The following GRM4 variants were observed in gnomAD, a reference collection of about 807,000 sequenced individuals.
GRM4 encodes the protein metabotropic glutamate receptor 4.
In GRM4, 28 loss-of-function variants were observed where a neutral mutation model predicts 81.7. The ratio of observed to expected loss-of-function variants is 0.34; its 90% CI spans 0.25 to 0.47. The LOEUF is 0.47. Among genes scored for constraint, GRM4 ranks in the 20% least tolerant of loss-of-function variants. GRM4 has a pLI of 1.00. For missense variants in GRM4, 948 were observed against 1,290.0 expected, an observed-to-expected ratio of 0.73 and a Z score of 4.06; for synonymous variants, 488 against 528.8, an observed-to-expected ratio of 0.92 and a Z score of 1.06.
intron 3 of GRM4, among the ~76,000 whole-genome samples, chr6:34,075,176 C>T (rs374354661): frequency 7.9e-5 from 12 of 151,908 alleles, no homozygotes; most frequent in South Asian, 4.1e-4. Flanking sequence ...CCTCAGGCCA[C>T]GGTCAAGGCC....
intron 10 of GRM4, among the ~76,000 whole-genome samples, chr6:34,025,394 ACT>A (rs1182966194): frequency 1.3e-5 from 2 of 151,994 alleles, no homozygotes; most frequent in South Asian, 2.1e-4. Context: ...GGTGAAAAAA[ACT>A]CTCAGCAGCC....
intron 2 of GRM4, chr6:34,103,494 C>T (rs1439166544): frequency 1.4e-5 from 14 of 1,026,182 alleles, no homozygotes; most frequent in East Asian, 7.9e-5. Flanking sequence ...CAGGCGGGGG[C>T]GGCGGGCGAG....
chr6:34,116,974 A>G (rs1336692792), intron 2 of GRM4, among the ~76,000 whole-genome samples: 1 of 152,252 alleles, frequency 6.6e-6, no homozygotes, highest in Non-Finnish European at 1.5e-5. Flanking sequence ...ACCAGTCTAC[A>G]CAGTTAGAAA....
chr6:34,024,012 T>G (rs1386002059), intron 10 of GRM4, among the ~76,000 whole-genome samples: 1 of 152,182 alleles, frequency 6.6e-6, no homozygotes, highest in Non-Finnish European at 1.5e-5. Context: ...GTCTAAAAGC[T>G]GCCCTGACCC....
Position 34,080,581 on chromosome 6 carries a change from G to A in GRM4, c.736+11302C>T, listed in dbSNP as rs1260823419. Among the ~76,000 whole-genome samples, 1 of 152,084 alleles carries A rather than the reference G, an allele frequency of 6.6e-6. No individual in the cohort carries two copies. Among genetic ancestry groups the A allele is most frequent in the Non-Finnish European group, 1.5e-5 (1 of 68,020 alleles). ...GCTGGAGGGCAGAAGGAAAAAAATG[G>A]CCACGCCCCTCCTCACCAGCCATAC... On this transcript the variant is annotated intron_variant, in intron 3 of 10. Transcript: ENST00000538487. The surrounding 1 kb of genome is among the most constrained non-coding windows in gnomAD (Gnocchi z 5.4).
At position 34,097,456 on chromosome 6, in the gene GRM4, C is replaced by T. The variant is rs955661288; in HGVS notation, c.520-5357G>A. Reference sequence around the variant, plus strand: ...GTGTGTGTGTGTGTGTGTGTGCGCGCGCATGTGTGTATCCAGGCACACATG... The same window carrying T: ...GTGTGTGTGTGTGTGTGTGTGCGCGTGCATGTGTGTATCCAGGCACACATG... On this transcript the variant is annotated intron_variant, in intron 2 of 10. Transcript: ENST00000538487. 8.6e-5 allele frequency among the ~76,000 whole-genome samples: 13 copies of T among 151,962 alleles called. No individual in the cohort carries two copies. The East Asian group carries it at 9.7e-4, about 11-fold the overall frequency.
In GRM4 at chr6:34,022,710, G is replaced by A. The variant is rs559033541; in HGVS notation, c.*111C>T. ...CTATCCTCAGCACCAAGCCACGTCC[G>A]TGGGTGCCCACGGGCAGGCAAGACA... On this transcript the variant is annotated 3_prime_UTR_variant, in exon 11 of 11. Coordinates refer to ENST00000538487, the MANE Select transcript of GRM4 (RefSeq NM_000841.4). The surrounding 1 kb of genome is among the most constrained non-coding windows in gnomAD (Gnocchi z 5.6). 2.9e-4 allele frequency: 279 copies of A among 957,464 alleles called. No individual in the cohort carries two copies. Among genetic ancestry groups the A allele is most frequent in the East Asian group, 2.3e-3 (93 of 40,846 alleles). 59.3% of individuals were successfully genotyped at this position (957,464 alleles called of 1,614,324 possible). A position where few individuals can be genotyped will look rare whatever the true frequency, so the allele number is the denominator to read the frequency against.
At position 34,136,557 on chromosome 6, in the gene GRM4, CGT is replaced by C. The variant is rs1192986124; in HGVS notation, c.-363-2700_-363-2699del. ...GTCTGGGCTGAGCAGTGCATGCGCG[CGT>C]GCGGACACACACACACACACACACA... On this transcript the variant is annotated intron_variant, in intron 1 of 10. Coordinates refer to ENST00000538487, the MANE Select transcript of GRM4 (RefSeq NM_000841.4). The surrounding 1 kb of genome is among the most constrained non-coding windows in gnomAD (Gnocchi z 4.1). Among the ~76,000 whole-genome samples, 7 of 124,948 alleles carry C rather than the reference CGT, an allele frequency of 5.6e-5. 1 individual carries two copies. Among genetic ancestry groups the C allele is most frequent in the Admixed American group, 2.8e-4 (3 of 10,598 alleles). 82.0% of individuals were successfully genotyped at this position (124,948 alleles called of 152,430 possible). A position where few individuals can be genotyped will look rare whatever the true frequency, so the allele number is the denominator to read the frequency against.
At position 34,089,726 on chromosome 6, in the gene GRM4, G is replaced by A. The variant is rs1338829062; in HGVS notation, c.736+2157C>T. The stretch of plus-strand genomic sequence containing the variant: ...TGAGTAGACTTTATTTTTTCTAACC[G>A]CCCAATACTTGATTAGATGTTGATA... On this transcript the variant is annotated intron_variant, in intron 3 of 10. Coordinates refer to ENST00000538487, the MANE Select transcript of GRM4 (RefSeq NM_000841.4). This position sits in a 1 kb window ranked among gnomAD's most constrained non-coding sequence, Gnocchi z 4.3. Among the ~76,000 whole-genome samples, 4 of 151,750 alleles carry A rather than the reference G, an allele frequency of 2.6e-5. No individual in the cohort carries two copies. Among genetic ancestry groups the A allele is most frequent in the Non-Finnish European group, 4.4e-5 (3 of 67,946 alleles).
rs898219724 is a variant in GRM4 at position 34,078,300 on chromosome 6, C to T, written c.736+13583G>A. 1.3e-5 allele frequency among the ~76,000 whole-genome samples: 2 copies of T among 152,154 alleles called. No homozygotes were observed. The highest frequency in any genetic ancestry group is 6.5e-5 in the Admixed American group (1 of 15,284). Reference sequence around the variant, plus strand: ...CTCTGTCTCCCCCCAAATACACACTCTCTTCGATCATTGCACAGCCCCTCA... The same window carrying T: ...CTCTGTCTCCCCCCAAATACACACTTTCTTCGATCATTGCACAGCCCCTCA... On this transcript the variant is annotated intron_variant, in intron 3 of 10. Transcript: ENST00000538487. This position sits in a 1 kb window ranked among gnomAD's most constrained non-coding sequence, Gnocchi z 4.8.
At chr6:34,061,677 G>A in intron 4 of GRM4, 3 of 473,024 alleles carry the variant, frequency 6.3e-6, no homozygotes, top group Non-Finnish European at 7.5e-6. Context: ...AATGGATGCA[G>A]GAAATGGAGA....
At chr6:34,142,751 G>T (rs1254675079) in intron 1 of GRM4, among the ~76,000 whole-genome samples, 2 of 152,210 alleles carry the variant, frequency 1.3e-5, no homozygotes, top group Non-Finnish European at 2.9e-5. Flanking sequence ...GCTGTGCAAG[G>T]CGCTCCCTCT....
At chr6:34,071,347 C>T (rs905219868) in intron 3 of GRM4, among the ~76,000 whole-genome samples, 13 of 105,946 alleles carry the variant, frequency 1.2e-4, no homozygotes, top group African/African-American at 2.9e-4. Context: ...AGATAAACAC[C>T]GCACCACACA....
At chr6:34,072,684 AT>A (rs1767006157) in intron 3 of GRM4, among the ~76,000 whole-genome samples, 1 of 107,486 alleles carries the variant, frequency 9.3e-6, no homozygotes, top group African/African-American at 5.0e-5. Flanking sequence ...ACACACACAC[AT>A]CACCATACAG....
chr6:34,047,335 G>A lies in GRM4; in HGVS notation c.1169-6587C>T, dbSNP rs188126655. 2.0e-5 allele frequency among the ~76,000 whole-genome samples: 3 copies of A among 152,108 alleles called. No homozygotes were observed. The highest frequency in any genetic ancestry group is 7.2e-5 in the African/African-American group (3 of 41,494). On this transcript the variant is annotated intron_variant, in intron 6 of 10. Coordinates refer to ENST00000538487, the MANE Select transcript of GRM4 (RefSeq NM_000841.4). The surrounding 1 kb of genome is among the most constrained non-coding windows in gnomAD (Gnocchi z 4.5). ...ATGCGATGGGCGAGGGATGCCCACC[G>A]CATAGACAGACCCAGACCTAGCCCA...
chr6:34,098,307 C>A (rs1248445111), intron 2 of GRM4, among the ~76,000 whole-genome samples: 39 of 152,184 alleles, frequency 2.6e-4, no homozygotes, highest in Non-Finnish European at 1.5e-5. Context: ...GAGTATCTCA[C>A]CAGGAGATGT....
chr6:34,152,578 C>T lies in GRM4; in HGVS notation c.312+2501G>A, dbSNP rs1466979149. Among the ~76,000 whole-genome samples, 1 of 152,082 alleles carries T rather than the reference C, an allele frequency of 6.6e-6. No homozygotes were observed. Among genetic ancestry groups the T allele is most frequent in the Non-Finnish European group, 1.5e-5 (1 of 68,020 alleles). On this transcript the variant is annotated intron_variant, in intron 1 of 8. Coordinates refer to the GRM4 transcript ENST00000374177. This position sits in a 1 kb window ranked among gnomAD's most constrained non-coding sequence, Gnocchi z 4.1. ...CTCCCTCTCTTCCTGTACCCACCTC[C>T]CAGCAACCGACCCATCACCTAGACC...
chr6:34,093,082 A>C (rs1694667552), intron 2 of GRM4, among the ~76,000 whole-genome samples: 1 of 152,126 alleles, frequency 6.6e-6, no homozygotes, highest in African/African-American at 2.4e-5. Context: ...AGGGGTGGGG[A>C]ATGCATATTG....
chr6:34,094,287 C>A (rs987854273), intron 2 of GRM4, among the ~76,000 whole-genome samples: 2 of 152,166 alleles, frequency 1.3e-5, no homozygotes, highest in East Asian at 3.8e-4. Context: ...ACCTTCTACC[C>A]TTTGTAGGTT....
Sources: allele counts gnomAD v4.1 joint callset (sites outside exome capture counted in the v4.1 genomes callset), GRCh38; gene constraint gnomAD v4.1.1; non-coding constraint Gnocchi (gnomAD v3.1); transcripts MANE v1.5; gene names NCBI Gene and HGNC (gene_info 2026-07-23, HGNC 2026-07-21).